Variants in MSH3 observed in about 807,000 individuals in gnomAD.
The protein encoded by MSH3 is mutS homolog 3.
A neutral mutation model predicts 123.3 loss-of-function variants in MSH3; 106 were observed. The observed-to-expected ratio is 0.86, with a 90% CI of 0.73 to 1.01. The LOEUF is 1.01. MSH3 is among the 50% of genes least tolerant of loss of function. The probability of loss-of-function intolerance (pLI) is 0.00; values close to 1 mark genes in which losing one functional copy is unlikely to be tolerated. For synonymous variants in MSH3, 515 were observed against 481.4 expected (o/e 1.07, Z -0.91); for missense variants, 1,459 against 1,347.6 (o/e 1.08, Z -1.29).
rs543617689 is a variant in MSH3 at position 80,666,673 on chromosome 5, A to G, written c.579+1310A>G. Among the ~76,000 whole-genome samples the G allele has an allele frequency of 1.1e-4, 17 of 152,326 alleles. No homozygotes were observed. The East Asian group carries it at 2.5e-3, about 22-fold the overall frequency. ...GACCAACTTGGCATGTCCACATCAC[A>G]GGAAATTAGAAGTAAGTAGACAGAG... On this transcript the variant is annotated intron_variant, in intron 3 of 23. Coordinates refer to ENST00000265081, the MANE Select transcript of MSH3 (RefSeq NM_002439.5).
At chr5:80,661,329 C>T in intron 2 of MSH3, among the ~76,000 whole-genome samples, 1 of 152,104 alleles carries the variant, frequency 6.6e-6, no homozygotes, top group East Asian at 1.9e-4. Context: ...AGGCTCTTTC[C>T]ATTTGTTTTC....
intron 11 of MSH3, among the ~76,000 whole-genome samples, chr5:80,744,084 G>A (rs2112868552): frequency 6.6e-6 from 1 of 152,274 alleles, no homozygotes; most frequent in Admixed American, 6.5e-5. Flanking sequence ...CTAGAGTGCA[G>A]TGCAAGTTCA....
rs6151839 is a variant in MSH3, at chr5:80,791,425, T to A, written c.2544-1308T>A. Reference sequence around the variant, plus strand: ...GAACCTATTAGAAATGTATTGAAATTTGGAATTTAGTATTTATGAATGAAT... The same window carrying A: ...GAACCTATTAGAAATGTATTGAAATATGGAATTTAGTATTTATGAATGAAT... On this transcript the variant is annotated intron_variant, in intron 18 of 23. Transcript: ENST00000265081. Among the ~76,000 whole-genome samples, 533 of 152,288 alleles carry A rather than the reference T, an allele frequency of 3.5e-3. 2 individuals are homozygous for A. Among genetic ancestry groups the A allele is most frequent in the African/African-American group, 0.012 (511 of 41,578 alleles).
intron 11 of MSH3, among the ~76,000 whole-genome samples, chr5:80,744,208 G>T (rs1743673062): frequency 6.6e-6 from 1 of 152,114 alleles, no homozygotes; most frequent in South Asian, 2.1e-4. Flanking sequence ...ATTTCCCAAG[G>T]TAGGAAAGTA....
At chr5:80,807,810 C>G (rs1012615161) in intron 19 of MSH3, among the ~76,000 whole-genome samples, 4 of 152,178 alleles carry the variant, frequency 2.6e-5, no homozygotes, top group African/African-American at 9.7e-5. Flanking sequence ...TAACAGATAC[C>G]CACCTCAGAC....
At chr5:80,762,835 T>TTATG (rs1250624075) in intron 13 of MSH3, among the ~76,000 whole-genome samples, 106 of 88,902 alleles carry the variant, frequency 1.2e-3, no homozygotes, top group South Asian at 3.3e-3. Flanking sequence ...GTTATGTTAT[T>TTATG]TTATGTTATT....
At chr5:80,714,918 T>C (rs1750930927) in intron 8 of MSH3, among the ~76,000 whole-genome samples, 3 of 152,220 alleles carry the variant, frequency 2.0e-5, no homozygotes, top group African/African-American at 7.2e-5. Flanking sequence ...TCTCTCTCTC[T>C]AGTGGATTAA....
chr5:80,820,293 T>G (rs1245239206), intron 20 of MSH3, among the ~76,000 whole-genome samples: 1 of 152,192 alleles, frequency 6.6e-6, no homozygotes, highest in Non-Finnish European at 1.5e-5. Flanking sequence ...AATTAATTAG[T>G]TAAGAAGGCA....
At chr5:80,747,980 C>G (rs1481891418) in intron 12 of MSH3, among the ~76,000 whole-genome samples, 1 of 152,170 alleles carries the variant, frequency 6.6e-6, no homozygotes, top group Non-Finnish European at 1.5e-5. Flanking sequence ...GTTGTTTATA[C>G]TGACATAAGT....
At chr5:80,832,725 A>T (rs1745440781) in intron 20 of MSH3, among the ~76,000 whole-genome samples, 1 of 151,890 alleles carries the variant, frequency 6.6e-6, no homozygotes, top group African/African-American at 2.4e-5. Context: ...GGTAAATTTT[A>T]TTATTTTTAT....
chr5:80,792,057 C>A (rs40592), intron 18 of MSH3, among the ~76,000 whole-genome samples: 1 of 151,948 alleles, frequency 6.6e-6, no homozygotes, highest in South Asian at 2.1e-4. Context: ...AATTGAACAG[C>A]GTATGAAAAT....
chr5:80,725,867 C>T (rs1183193313), intron 9 of MSH3, among the ~76,000 whole-genome samples: 1 of 152,110 alleles, frequency 6.6e-6, no homozygotes, highest in Non-Finnish European at 1.5e-5. Context: ...ACAAAAAGAA[C>T]CATTGCAGCC....
intron 8 of MSH3, among the ~76,000 whole-genome samples, chr5:80,693,885 C>T (rs1386175812): frequency 1.3e-5 from 2 of 152,108 alleles, no homozygotes; most frequent in African/African-American, 4.8e-5. Flanking sequence ...ATCTCGAACT[C>T]CTGACCTCAA....
In MSH3 at chr5:80,847,096, C is replaced by A. The variant is rs72765599; in HGVS notation, c.2814-7034C>A. ...TTTTTCTGAGACAGATTCTCGCTCT[C>A]TTGCCCAGTCTGGAGTGCAGTGGTG... is the stretch of plus-strand genomic sequence containing the variant. On this transcript the variant is annotated intron_variant, in intron 20 of 23. Transcript: ENST00000265081. Among the ~76,000 whole-genome samples the A allele has an allele frequency of 3.6e-4, 54 of 152,108 alleles. No homozygotes were observed. The East Asian group carries it at 0.01, about 28-fold the overall frequency.
intron 19 of MSH3, among the ~76,000 whole-genome samples, chr5:80,793,402 C>T (rs2112027548): frequency 6.6e-6 from 1 of 152,326 alleles, no homozygotes; most frequent in Non-Finnish European, 1.5e-5. Context: ...TCCCTGCCCT[C>T]ACAGAGCTTG....
chr5:80,787,702 A>C (rs745495860), intron 18 of MSH3, 30 bp downstream of exon 18: 1 of 1,367,390 alleles, frequency 7.3e-7, no homozygotes, highest in Non-Finnish European at 1.0e-6. Flanking sequence ...CCTCTTTATC[A>C]GTGCTTTAGA....
chr5:80,803,446 G>A (rs568974894), intron 19 of MSH3, among the ~76,000 whole-genome samples: 1 of 149,018 alleles, frequency 6.7e-6, no homozygotes, highest in South Asian at 2.1e-4. Flanking sequence ...TGAGTTCTTT[G>A]AGCTCCTTGT....
At chr5:80,809,697 C>T (rs1388466528) in intron 19 of MSH3, among the ~76,000 whole-genome samples, 4 of 152,134 alleles carry the variant, frequency 2.6e-5, no homozygotes. Flanking sequence ...TGCATTCTTA[C>T]ATTACATTCT....
chr5:80,686,403 A>G (rs1419663217), intron 8 of MSH3, among the ~76,000 whole-genome samples: 3 of 150,996 alleles, frequency 2.0e-5, no homozygotes, highest in African/African-American at 7.3e-5. Flanking sequence ...CCCGGGTTTA[A>G]GCGATTCTCG....
Sources: allele counts gnomAD v4.1 joint callset (sites outside exome capture counted in the v4.1 genomes callset), GRCh38; gene constraint gnomAD v4.1.1; transcripts MANE v1.5; gene names NCBI Gene and HGNC (gene_info 2026-07-23, HGNC 2026-07-21).